Variants in RBFOX1 observed in about 807,000 individuals in gnomAD.
RBFOX1 encodes the protein RNA binding fox-1 homolog 1, also known as RNA binding protein fox-1 homolog 1.
In RBFOX1, 8 loss-of-function variants were observed where a neutral mutation model predicts 57.7. The ratio of observed to expected loss-of-function variants is 0.14; its 90% CI spans 0.08 to 0.25. The LOEUF is 0.25. RBFOX1 is among the 10% of genes least tolerant of loss of function. The probability of loss-of-function intolerance (pLI) is 1.00; values close to 1 mark genes in which losing one functional copy is unlikely to be tolerated. For synonymous variants in RBFOX1, 326 were observed against 222.4 expected, an observed-to-expected ratio of 1.47 and a Z score of -4.15; for missense variants, 611 against 548.5, an observed-to-expected ratio of 1.11 and a Z score of -1.14.
intron 4 of RBFOX1, among the ~76,000 whole-genome samples, chr16:5,965,997 C>T (rs1017252104): frequency 2.6e-5 from 4 of 152,146 alleles, no homozygotes; most frequent in Admixed American, 2.0e-4. Context: ...CTTGCTGCCC[C>T]CAACAGTTTC....
At chr16:6,376,954 C>T (rs1392814071) in intron 2 of RBFOX1, among the ~76,000 whole-genome samples, 1 of 151,902 alleles carries the variant, frequency 6.6e-6, no homozygotes, top group African/African-American at 2.4e-5. Flanking sequence ...TCTCTGTCTC[C>T]AAACTTCCTT....
intron 3 of RBFOX1, among the ~76,000 whole-genome samples, chr16:7,005,365 T>C (rs944155457): frequency 7.2e-5 from 11 of 152,222 alleles, no homozygotes; most frequent in East Asian, 1.9e-4. Context: ...AGTTGACTTA[T>C]AGAATAGAGG....
At chr16:6,070,667 A>G (rs1158346543) in intron 1 of RBFOX1, among the ~76,000 whole-genome samples, 2 of 112,104 alleles carry the variant, frequency 1.8e-5, no homozygotes, top group Admixed American at 1.7e-4. Context: ...TAGCTTTTCT[A>G]AAAAAAAAAT....
At chr16:7,154,094 AT>A (rs1436597893) in intron 4 of RBFOX1, among the ~76,000 whole-genome samples, 1 of 152,212 alleles carries the variant, frequency 6.6e-6, no homozygotes, top group Non-Finnish European at 1.5e-5. Context: ...ACAGGGGAAT[AT>A]TAGCAGGTAG....
chr16:6,266,712 TAA>T (rs112417452), intron 1 of RBFOX1, among the ~76,000 whole-genome samples: 29 of 135,840 alleles, frequency 2.1e-4, no homozygotes, highest in African/African-American at 4.1e-4. Context: ...AGACTCTGTC[TAA>T]AAAAAAAAAA....
intron 2 of RBFOX1, among the ~76,000 whole-genome samples, chr16:6,521,994 G>A (rs917567352): frequency 2.6e-5 from 4 of 152,110 alleles, no homozygotes; most frequent in African/African-American, 9.7e-5. Flanking sequence ...CAAGGTTATC[G>A]ACCAGCTTCT....
At chr16:6,107,318 A>T (rs544889053) in intron 1 of RBFOX1, among the ~76,000 whole-genome samples, 12 of 152,168 alleles carry the variant, frequency 7.9e-5, no homozygotes, top group African/African-American at 2.9e-4. Flanking sequence ...ATGACCCTCC[A>T]GGCAAGTCAC....
At chr16:6,606,727 T>A (rs762146972) in intron 2 of RBFOX1, among the ~76,000 whole-genome samples, 6 of 152,214 alleles carry the variant, frequency 3.9e-5, no homozygotes, top group Non-Finnish European at 7.3e-5. Context: ...ATGTTGCATA[T>A]GTACCACGTT....
At chr16:7,590,773 C>G (rs567728966) in intron 7 of RBFOX1, among the ~76,000 whole-genome samples, 19 of 148,940 alleles carry the variant, frequency 1.3e-4, no homozygotes, top group Non-Finnish European at 2.4e-4. Context: ...GCAGGAGAAT[C>G]ACTTGAACCC....
intron 4 of RBFOX1, among the ~76,000 whole-genome samples, chr16:5,909,747 A>G (rs2058563819): frequency 6.6e-6 from 1 of 152,148 alleles, no homozygotes; most frequent in South Asian, 2.1e-4. Context: ...AAGATGTCAG[A>G]GCACTGAAAT....
intron 1 of RBFOX1, among the ~76,000 whole-genome samples, chr16:6,238,500 T>C (rs886066054): frequency 3.9e-5 from 6 of 152,344 alleles, no homozygotes; most frequent in Non-Finnish European, 7.3e-5. Flanking sequence ...TACTTCGCTG[T>C]GGTTTTTCCA....
chr16:6,933,647 A>G (rs1380782923), intron 3 of RBFOX1, among the ~76,000 whole-genome samples: 1 of 152,218 alleles, frequency 6.6e-6, no homozygotes, highest in African/African-American at 2.4e-5. Flanking sequence ...TGGGAGGGAG[A>G]GGTTGCAGTG....
chr16:6,198,384 T>A (rs948729171), intron 1 of RBFOX1, among the ~76,000 whole-genome samples: 1 of 152,200 alleles, frequency 6.6e-6, no homozygotes, highest in Non-Finnish European at 1.5e-5. Context: ...ATCAGCATAT[T>A]ACATGTTTTG....
chr16:7,561,034 C>A (rs1464434374), intron 5 of RBFOX1, among the ~76,000 whole-genome samples: 1 of 152,164 alleles, frequency 6.6e-6, no homozygotes, highest in Non-Finnish European at 1.5e-5. Flanking sequence ...CCTACTGGTT[C>A]AGGTTATGTC....
At chr16:7,255,929 TATA>T (rs1402086453) in intron 4 of RBFOX1, among the ~76,000 whole-genome samples, 3 of 152,188 alleles carry the variant, frequency 2.0e-5, no homozygotes, top group Non-Finnish European at 2.9e-5. Flanking sequence ...CTAGAGGAAA[TATA>T]ATAAGATCAT....
intron 1 of RBFOX1, among the ~76,000 whole-genome samples, chr16:6,058,420 C>T (rs1044945550): frequency 2.1e-4 from 32 of 152,148 alleles, no homozygotes; most frequent in African/African-American, 6.0e-4. Context: ...CTAGAACCAT[C>T]TTTTAGACCG....
intron 2 of RBFOX1, among the ~76,000 whole-genome samples, chr16:6,340,151 G>A (rs936752302): frequency 1.3e-5 from 2 of 152,092 alleles, no homozygotes; most frequent in Admixed American, 1.3e-4. Context: ...CAAAATTCTT[G>A]TTAACCATGT....
intron 2 of RBFOX1, among the ~76,000 whole-genome samples, chr16:6,424,264 C>CAAA (rs1348521601): frequency 6.6e-6 from 1 of 152,094 alleles, no homozygotes; most frequent in African/African-American, 2.4e-5. Context: ...AATGAACAAA[C>CAAA]AAACAACAAC....
intron 1 of RBFOX1, among the ~76,000 whole-genome samples, chr16:5,393,195 C>T (rs1403412140): frequency 1.3e-5 from 2 of 152,118 alleles, no homozygotes; most frequent in South Asian, 2.1e-4. Flanking sequence ...AGTGCCATCA[C>T]GGCTGGGCTG....
Sources: gnomAD v4.1 joint callset for allele counts (sites outside exome capture counted in the v4.1 genomes callset) on GRCh38, gnomAD v4.1.1 for gene constraint, MANE v1.5 for transcripts, NCBI Gene and HGNC (gene_info 2026-07-23, HGNC 2026-07-21) for gene names.